The following MAJIN variants were observed in gnomAD, a reference collection of about 807,000 sequenced individuals.
MAJIN encodes membrane-anchored junction protein.
A neutral mutation model predicts 30.2 loss-of-function variants in MAJIN; 27 were observed. The observed-to-expected ratio is 0.89, with a 90% CI of 0.66 to 1.23. The LOEUF (loss-of-function observed/expected upper bound fraction) is 1.23. MAJIN is among the 50% of genes most tolerant of loss of function. The pLI is 0.00. For missense variants in MAJIN, 253 were observed against 260.3 expected, an observed-to-expected ratio of 0.97 and a Z score of 0.19; for synonymous variants, 78 against 91.6, an observed-to-expected ratio of 0.85 and a Z score of 0.85.
At chr11:64,968,513 C>T (rs1039877628) in intron 1 of MAJIN, among the ~76,000 whole-genome samples, 5 of 151,716 alleles carry the variant, frequency 3.3e-5, no homozygotes, top group South Asian at 2.1e-4. Context: ...CTGCCCACCT[C>T]GGCTTCCCTA....
chr11:64,945,959 G>A (rs1414364754), intron 8 of MAJIN: 14 of 857,596 alleles, frequency 1.6e-5, no homozygotes, highest in Non-Finnish European at 2.4e-5. Context: ...CCAAGAATGA[G>A]TTCAGTCAAT....
intron 1 of MAJIN, among the ~76,000 whole-genome samples, chr11:64,963,517 AAG>A (rs1009191309): frequency 2.0e-4 from 31 of 152,274 alleles, no homozygotes; most frequent in Middle Eastern, 3.4e-3. Flanking sequence ...TGAGAAATAA[AAG>A]AGCTTCCATA....
intron 1 of MAJIN, among the ~76,000 whole-genome samples, chr11:64,967,368 T>G (rs1945828377): frequency 1.3e-5 from 2 of 151,230 alleles, no homozygotes. Context: ...ATGATACCAT[T>G]GCACTCCAGC....
chr11:64,957,478 A>G (rs1257957551), intron 3 of MAJIN, among the ~76,000 whole-genome samples: 2 of 151,984 alleles, frequency 1.3e-5, no homozygotes. Context: ...CGATCTGCTC[A>G]CTGCAGCCTC....
intron 3 of MAJIN, among the ~76,000 whole-genome samples, chr11:64,956,274 G>A (rs181256438): frequency 8.6e-4 from 131 of 151,926 alleles, no homozygotes; most frequent in African/African-American, 2.7e-3. Flanking sequence ...ACTCCAGCCC[G>A]GGCAACAAGA....
At chr11:64,948,152 GT>G (rs1437106651) in intron 6 of MAJIN, among the ~76,000 whole-genome samples, 1 of 151,958 alleles carries the variant, frequency 6.6e-6, no homozygotes, top group African/African-American at 2.4e-5. Context: ...CCACGATGCT[GT>G]TTTACCTGGA....
intron 1 of MAJIN, among the ~76,000 whole-genome samples, chr11:64,965,220 C>T (rs546627717): frequency 2.0e-5 from 3 of 152,164 alleles, no homozygotes; most frequent in Non-Finnish European, 4.4e-5. Flanking sequence ...CTTTAAAATG[C>T]CACTTGTGCA....
intron 3 of MAJIN, among the ~76,000 whole-genome samples, chr11:64,955,633 A>G (rs1188955082): frequency 6.6e-6 from 1 of 152,256 alleles, no homozygotes; most frequent in Non-Finnish European, 1.5e-5. Flanking sequence ...AGAACTGACA[A>G]TACTTGTTGT....
chr11:64,956,097 T>C (rs572663913), intron 3 of MAJIN, among the ~76,000 whole-genome samples: 1 of 152,250 alleles, frequency 6.6e-6, no homozygotes, highest in Non-Finnish European at 1.5e-5. Context: ...GGTCGGGAGT[T>C]TGAAACCAGC....
At chr11:64,954,259 T>C (rs1376551168) in intron 4 of MAJIN, 1 of 241,106 alleles carries the variant, frequency 4.1e-6, no homozygotes, top group African/African-American at 2.3e-5. Context: ...TCTTCTTCTG[T>C]AGGAAAACCT....
intron 4 of MAJIN, among the ~76,000 whole-genome samples, chr11:64,951,427 C>T (rs1380722678): frequency 6.6e-6 from 1 of 152,142 alleles, no homozygotes; most frequent in African/African-American, 2.4e-5. Context: ...CCAGCCTTGT[C>T]ATTTCACCCT....
chr11:64,960,795 G>C (rs1945709600), intron 1 of MAJIN, among the ~76,000 whole-genome samples: 1 of 152,168 alleles, frequency 6.6e-6, no homozygotes, highest in Non-Finnish European at 1.5e-5. Context: ...CCGAAGAATG[G>C]AATTTCCCAC....
intron 8 of MAJIN, among the ~76,000 whole-genome samples, chr11:64,941,946 ATGACTG>A (rs898549758): frequency 6.6e-6 from 1 of 152,192 alleles, no homozygotes; most frequent in African/African-American, 2.4e-5. Context: ...TGGTAGAAAC[ATGACTG>A]TGGCATTAGC....
chr11:64,959,218 G>C, intron 3 of MAJIN, 87 bp downstream of exon 3: 2 of 1,014,666 alleles, frequency 2.0e-6, no homozygotes, highest in Non-Finnish European at 3.1e-6. Flanking sequence ...CTCCTGAACT[G>C]GGTGAAGGTA....
At chr11:64,940,453 G>A (rs1474812428) in intron 9 of MAJIN, 121 bp downstream of exon 9, 8 of 961,884 alleles carry the variant, frequency 8.3e-6, no homozygotes, top group Middle Eastern at 2.2e-4. Context: ...CTCCACGGGA[G>A]CAAGGCACAT....
chr11:64,939,835 C>G, intron 9 of MAJIN, 68 bp from the exon 10 acceptor site: 1 of 1,406,166 alleles, frequency 7.1e-7, no homozygotes, highest in East Asian at 2.3e-5. Flanking sequence ...GAGTAGAAGG[C>G]CAAACACCCA....
At chr11:64,971,160 G>T (rs1375867014) in intron 1 of MAJIN, among the ~76,000 whole-genome samples, 1 of 152,134 alleles carries the variant, frequency 6.6e-6, no homozygotes, top group Non-Finnish European at 1.5e-5. Context: ...GGGTATGGTG[G>T]CGGGCACCTG....
At chr11:64,956,766 T>G (rs1376603542) in intron 3 of MAJIN, among the ~76,000 whole-genome samples, 4 of 146,062 alleles carry the variant, frequency 2.7e-5, no homozygotes, top group Non-Finnish European at 1.5e-5. Flanking sequence ...ATAAGCTGTT[T>G]TTTTTTTTTT....
chr11:64,966,034 A>G (rs1195158839), intron 1 of MAJIN, among the ~76,000 whole-genome samples: 2 of 151,684 alleles, frequency 1.3e-5, no homozygotes, highest in Non-Finnish European at 2.9e-5. Flanking sequence ...GCAGGAACCC[A>G]AAAAGCACTT....
Sources: allele counts gnomAD v4.1 joint callset (sites outside exome capture counted in the v4.1 genomes callset), GRCh38; gene constraint gnomAD v4.1.1; transcripts MANE v1.5; gene names NCBI Gene and HGNC (gene_info 2026-07-23, HGNC 2026-07-21).